The following CRB2 variants were observed in gnomAD, a reference collection of about 807,000 sequenced individuals.
CRB2 encodes the protein crumbs cell polarity complex component 2.
In CRB2, 85 loss-of-function variants were observed where a neutral mutation model predicts 110.9. That is an observed-to-expected ratio of 0.77 (90% CI 0.64 to 0.92). The LOEUF is 0.92. CRB2 is among the 40% of genes least tolerant of loss of function. CRB2 has a pLI of 0.00. For synonymous variants in CRB2, 907 were observed against 831.0 expected, an observed-to-expected ratio of 1.09 and a Z score of -1.57; for missense variants, 1,843 against 1,851.3, an observed-to-expected ratio of 1.00 and a Z score of 0.08.
Position 123,370,956 on chromosome 9 carries a change from CAT to C in CRB2, c.1905_1906del (p.His635GlnfsTer7). The C allele has an allele frequency of 6.2e-7, 1 of 1,608,544 alleles. No homozygotes were observed. The highest frequency in any genetic ancestry group is 8.5e-7 in the Non-Finnish European group (1 of 1,176,374). On this transcript the variant is annotated frameshift_variant, in exon 7 of 13. Coordinates refer to ENST00000373631, the MANE Select transcript of CRB2 (RefSeq NM_173689.7). LOFTEE classifies it high-confidence loss of function. Reference sequence around the variant, plus strand: ...TTTCCGTTGCGACTGTGCCCGGCCCCATAGAGGTCCCACGTGCGCTGATGGTG... The same window carrying C: ...TTTCCGTTGCGACTGTGCCCGGCCCCAGAGGTCCCACGTGCGCTGATGGTG... ...THFRCDCARPHRGPTCADEIP... is the reference protein window; with the variant it reads ...THFRCDCARPXRGPTCADEIP...
chr9:123,371,318 C>T lies in CRB2; in HGVS notation c.2176C>T (p.Arg726Cys), dbSNP rs77519868. 37 of 1,610,480 alleles carry T rather than the reference C, an allele frequency of 2.3e-5. No individual in the cohort carries two copies. The highest frequency in any genetic ancestry group is 6.7e-5 in the Admixed American group (4 of 59,920). Residue 726 changes from arginine (R) to cysteine (C), a missense_variant, in exon 8 of 13, where the codon CGT (arginine) becomes TGT (cysteine). Transcript: ENST00000373631. ...VLPGRWDDGL[R>C]HLVMLSFGPD... ...CCCTGGGCGCTGGGATGATGGGCTCCGTCACCTGGTGATGCTCAGCTTCGG... is the reference window on the plus strand; with the variant it reads ...CCCTGGGCGCTGGGATGATGGGCTCTGTCACCTGGTGATGCTCAGCTTCGG...
Position 123,373,661 on chromosome 9 carries a change from T to C in CRB2, c.3130T>C (p.Trp1044Arg), listed in dbSNP as rs1017757543. ...TGGCGCCCGAGAGCACTTCGCGTCT[T>C]GGCCTGGGACGCCGGCCCCGATCCT... The part of the protein sequence containing the change: ...APGAREHFAS[W>R]PGTPAPILGC... Residue 1044 changes from tryptophan to arginine, a missense_variant, in exon 10 of 13, where the codon TGG becomes CGG. By Grantham distance (101) the Trp-to-Arg change is moderately radical. Coordinates refer to ENST00000373631, the MANE Select transcript of CRB2 (RefSeq NM_173689.7). The C allele has an allele frequency of 6.3e-6, 9 of 1,430,026 alleles. No individual in the cohort carries two copies. Among genetic ancestry groups the C allele is most frequent in the African/African-American group, 1.5e-5 (1 of 66,940 alleles). 88.6% of individuals were successfully genotyped at this position (1,430,026 alleles called of 1,614,324 possible). A position where few individuals can be genotyped will look rare whatever the true frequency, so the allele number is the denominator to read the frequency against.
intron 10 of CRB2, 176 bp downstream of exon 10, chr9:123,374,096 A>G (rs998668661): frequency 1.1e-6 from 1 of 930,878 alleles, no homozygotes; most frequent in Admixed American, 2.0e-5. Flanking sequence ...ACAGATCAAA[A>G]CACAACCAGT....
intron 1 of CRB2, among the ~76,000 whole-genome samples, chr9:123,360,144 T>C (rs191345217): frequency 6.6e-6 from 1 of 152,344 alleles, no homozygotes; most frequent in African/African-American, 2.4e-5. Context: ...AGAAATTTTC[T>C]TAATGGCACC....
rs549198622 is a variant in CRB2 at position 123,377,326 on chromosome 9, C to T, written c.*264C>T. 5 of 479,050 alleles carry T rather than the reference C, an allele frequency of 1.0e-5. No homozygotes were observed. The highest frequency in any genetic ancestry group is 3.3e-5 in the South Asian group (1 of 30,544). The allele number at this position is 479,050 out of a possible 1,614,324, so 29.7% of individuals were successfully genotyped here. Reference sequence around the variant, plus strand: ...GTACGGCTGTGCGTGGGAGGGCACACGTGGGTTCACAGTGTGTTCAGGAGT... The same window carrying T: ...GTACGGCTGTGCGTGGGAGGGCACATGTGGGTTCACAGTGTGTTCAGGAGT... On this transcript the variant is annotated 3_prime_UTR_variant, in exon 13 of 13. Coordinates refer to ENST00000373631, the MANE Select transcript of CRB2 (RefSeq NM_173689.7).
rs1334720450 is a variant in CRB2, at chr9:123,372,166, C to T, written c.2437-11C>T. 1 of 1,614,000 alleles carries T rather than the reference C, an allele frequency of 6.2e-7. No individual in the cohort carries two copies. Among genetic ancestry groups the T allele is most frequent in the South Asian group, 1.1e-5 (1 of 91,066 alleles). ...AGTCCTGAGCCAACCCCTGCCCTGCCTCTCCCACAGCCTGACCCCTGTTTC... is the reference window on the plus strand; with the variant it reads ...AGTCCTGAGCCAACCCCTGCCCTGCTTCTCCCACAGCCTGACCCCTGTTTC... On this transcript the variant is annotated splice_polypyrimidine_tract_variant and intron_variant, in intron 8 of 12. Coordinates refer to ENST00000373631, the MANE Select transcript of CRB2 (RefSeq NM_173689.7).
chr9:123,374,493 C>T (rs895812608), intron 10 of CRB2, 86 bp from the exon 11 acceptor site: 2 of 914,856 alleles, frequency 2.2e-6, no homozygotes, highest in South Asian at 1.5e-5. Flanking sequence ...CATGAGAACA[C>T]AAGCTCAGGT....
In CRB2 at chr9:123,376,868, C is replaced by G. The variant is rs2042110509; in HGVS notation, c.3664C>G (p.Leu1222Val). Reference sequence around the variant, plus strand: ...CCTGCCCCTGCCGCTGCCATTCCCACTGCTGGAGGTGGCCGTACCTGCAGC... The same window carrying G: ...CCTGCCCCTGCCGCTGCCATTCCCAGTGCTGGAGGTGGCCGTACCTGCAGC... Reference protein sequence around the residue: ...KGLPLPLPFPLLEVAVPAACA... With the variant: ...KGLPLPLPFPVLEVAVPAACA... The change falls in exon 13 of 13, where the codon CTG becomes GTG. Residue 1222 changes from leucine (L) to valine (V), a missense_variant. Transcript: ENST00000373631. The G allele has an allele frequency of 1.2e-6, 2 of 1,609,616 alleles. No individual in the cohort carries two copies. The highest frequency in any genetic ancestry group is 1.7e-6 in the Non-Finnish European group (2 of 1,179,332).
At chr9:123,374,890 G>A (rs1564379172) in intron 11 of CRB2, among the ~76,000 whole-genome samples, 195 bp downstream of exon 11, 1 of 152,268 alleles carries the variant, frequency 6.6e-6, no homozygotes, top group South Asian at 2.1e-4. Flanking sequence ...GGCAGTGGTT[G>A]CCTGGTGGCA....
At position 123,362,930 on chromosome 9, in the gene CRB2, C is replaced by T. The variant is rs760610172; in HGVS notation, c.160C>T (p.Gln54Ter). ...SDPCAPGTECQATESGGYTCG... is the reference protein window; with the variant it reads ...SDPCAPGTEC ...CCCGTGCGCTCCAGGGACCGAGTGC[C>T]AGGCTACCGAGAGTGGTGGCTATAC... Residue 54 changes from glutamine (Q) to a stop codon, truncating the protein, a stop_gained, in exon 2 of 13, where the codon CAG becomes TAG. Transcript: ENST00000373631. LOFTEE classifies it high-confidence loss of function. 6.2e-7 allele frequency: 1 copy of T among 1,602,594 alleles called. No homozygotes were observed. The highest frequency in any genetic ancestry group is 8.5e-7 in the Non-Finnish European group (1 of 1,171,124).
intron 1 of CRB2, among the ~76,000 whole-genome samples, chr9:123,359,454 T>TG (rs2041841907): frequency 7.3e-6 from 1 of 137,700 alleles, no homozygotes; most frequent in African/African-American, 2.9e-5. Context: ...TTTTTTTTTT[T>TG]TTTTTTTTTT....
intron 2 of CRB2, among the ~76,000 whole-genome samples, chr9:123,363,640 C>T (rs536400763): frequency 9.2e-5 from 14 of 152,216 alleles, no homozygotes; most frequent in Admixed American, 5.2e-4. Flanking sequence ...GTCTGGAGTG[C>T]AATGTGGACC....
At position 123,370,628 on chromosome 9, in the gene CRB2, G is replaced by A; in HGVS notation, c.1575G>A (p.Val525=). The change falls in exon 7 of 13, where the codon GTG becomes GTA. Residue 525 remains valine (V), a synonymous_variant. Transcript: ENST00000373631. ...GCCATTGGCACCAGGTGGAGGTTGT[G>A]CTCCATCTAGCGACCCTGGAGCTAC... ...NDGHWHQVEV[V]LHLATLELRL... is the part of the protein sequence containing the mutation. The A allele has an allele frequency of 1.2e-6, 2 of 1,610,976 alleles. No homozygotes were observed. The highest frequency in any genetic ancestry group is 1.3e-5 in the African/African-American group (1 of 75,072).
downstream of CRB2, among the ~76,000 whole-genome samples, chr9:123,378,971 T>TAGAG (rs1298135437): frequency 2.6e-5 from 4 of 151,712 alleles, no homozygotes; most frequent in African/African-American, 9.7e-5. Flanking sequence ...CTGCTTTTAG[T>TAGAG]AGAGACGGGG....
rs949450725 is a variant in CRB2 at position 123,367,902 on chromosome 9, T to C, written c.1054+216T>C. On this transcript the variant is annotated intron_variant, in intron 6 of 12. Transcript: ENST00000373631. ...GTAGTCCTGGCAGCTGGGGCCATAG[T>C]GGGCTGAGGTTGTCTGGGAGAACGT... Among the ~76,000 whole-genome samples, 4 of 151,858 alleles carry C rather than the reference T, an allele frequency of 2.6e-5. No individual in the cohort carries two copies. In the East Asian group the frequency reaches 7.8e-4, roughly 30 times the overall value.
intron 12 of CRB2, 91 bp downstream of exon 12, chr9:123,375,434 TG>T: frequency 7.1e-7 from 1 of 1,410,714 alleles, no homozygotes; most frequent in Non-Finnish European, 9.3e-7. Context: ...ACCATGGGGC[TG>T]TTCCTGGGCC....
At position 123,370,871 on chromosome 9, in the gene CRB2, A is replaced by C. The variant is rs1306383540; in HGVS notation, c.1818A>C (p.Arg606=). ...GENVLLGCER[R]EQCRPLPCVH... is the part of the protein sequence containing the mutation. The stretch of plus-strand genomic sequence containing the variant: ...ACGTCCTCCTGGGCTGTGAGCGCCG[A>C]GAGCAGTGCCGGCCTCTGCCTTGTG... Residue 606 remains arginine, a synonymous_variant, in exon 7 of 13, where the codon CGA becomes CGC. Coordinates refer to ENST00000373631, the MANE Select transcript of CRB2 (RefSeq NM_173689.7). 2.9e-5 allele frequency: 46 copies of C among 1,610,944 alleles called. No individual in the cohort carries two copies. Among genetic ancestry groups the C allele is most frequent in the Non-Finnish European group, 3.9e-5 (46 of 1,179,964 alleles).
chr9:123,367,429 A>ACCCC (rs10537052), intron 5 of CRB2, 72 bp downstream of exon 5: 2 of 924,830 alleles, frequency 2.2e-6, no homozygotes, highest in Non-Finnish European at 2.9e-6. Flanking sequence ...CCACCCCCCC[A>ACCCC]CCCCCCCCAC....
rs1564378813 is a variant in CRB2 at position 123,374,566 on chromosome 9, G to A, written c.3390-13G>A. The A allele has an allele frequency of 6.2e-7, 1 of 1,603,394 alleles. No homozygotes were observed. The highest frequency in any genetic ancestry group is 8.5e-7 in the Non-Finnish European group (1 of 1,171,620). ...GTGTCCTGCACCCACTCCAGCCTCT[G>A]CTCTCTCCCCAGGTTGCCTGTCCCA... On this transcript the variant is annotated splice_polypyrimidine_tract_variant and intron_variant, in intron 10 of 12. Coordinates refer to ENST00000373631, the MANE Select transcript of CRB2 (RefSeq NM_173689.7).
Sources: allele counts gnomAD v4.1 joint callset (sites outside exome capture counted in the v4.1 genomes callset), GRCh38; gene constraint gnomAD v4.1.1; transcripts MANE v1.5; gene names NCBI Gene and HGNC (gene_info 2026-07-23, HGNC 2026-07-21).